Variants in STAG1 observed in about 807,000 individuals in gnomAD.
STAG1 encodes the protein STAG1 cohesin complex component.
STAG1 carries 26 observed loss-of-function variants against 170.9 expected under a neutral mutation model. The observed-to-expected ratio is 0.15, with a 90% confidence interval of 0.11 to 0.21. The LOEUF (loss-of-function observed/expected upper bound fraction) is 0.21. STAG1 is among the 10% of genes least tolerant of loss of function. The pLI, the probability that STAG1 is intolerant of heterozygous loss-of-function variation, is 1.00. For missense variants in STAG1, 964 were observed against 1,509.5 expected, an observed-to-expected ratio of 0.64 and a Z score of 5.99; for synonymous variants, 514 against 497.7, an observed-to-expected ratio of 1.03 and a Z score of -0.44.
At chr3:136,655,167 T>C (rs542256836) in intron 1 of STAG1, among the ~76,000 whole-genome samples, 1 of 152,252 alleles carries the variant, frequency 6.6e-6, no homozygotes, top group African/African-American at 2.4e-5. Flanking sequence ...ACTTTGTGCA[T>C]CAAGAAACAA....
chr3:136,411,467 G>C (rs1021397316), intron 21 of STAG1, among the ~76,000 whole-genome samples: 3 of 152,100 alleles, frequency 2.0e-5, no homozygotes, highest in South Asian at 2.1e-4. Flanking sequence ...CTACAAAAGT[G>C]GGTATAAGAG....
At chr3:136,541,327 C>T (rs955340637) in intron 6 of STAG1, among the ~76,000 whole-genome samples, 10 of 151,834 alleles carry the variant, frequency 6.6e-5, no homozygotes, top group Non-Finnish European at 1.3e-4. Flanking sequence ...TAGCCTAATA[C>T]ATAATATAAA....
In STAG1 at chr3:136,518,673, G is replaced by A. The variant is rs1163104249; in HGVS notation, c.676+2540C>T. On this transcript the variant is annotated intron_variant, in intron 7 of 33. Coordinates refer to ENST00000383202, the MANE Select transcript of STAG1 (RefSeq NM_005862.3). ...AGACACATGGGAATTACAGTAATACGTTAAAGTAAATTGAGAGAACAACTG... is the reference window on the plus strand; with the variant it reads ...AGACACATGGGAATTACAGTAATACATTAAAGTAAATTGAGAGAACAACTG... 2.6e-5 allele frequency among the ~76,000 whole-genome samples: 4 copies of A among 152,008 alleles called. No homozygotes were observed. In the East Asian group the frequency reaches 5.8e-4, roughly 22 times the overall value.
intron 23 of STAG1, among the ~76,000 whole-genome samples, chr3:136,370,816 A>T (rs1252884890): frequency 6.6e-6 from 1 of 152,214 alleles, no homozygotes; most frequent in Admixed American, 6.5e-5. Flanking sequence ...TGCCGCAATA[A>T]ACATACGTGT....
intron 4 of STAG1, among the ~76,000 whole-genome samples, chr3:136,571,825 G>C (rs1662518405): frequency 6.6e-6 from 1 of 152,122 alleles, no homozygotes; most frequent in East Asian, 1.9e-4. Flanking sequence ...AGGCTACAGT[G>C]AACTATTACC....
At chr3:136,424,565 G>A (rs1576452689) in intron 16 of STAG1, among the ~76,000 whole-genome samples, 1 of 151,860 alleles carries the variant, frequency 6.6e-6, no homozygotes, top group Non-Finnish European at 1.5e-5. Flanking sequence ...ACTCCTGACC[G>A]CAAGTGATCC....
chr3:136,350,139 C>CA (rs542153408), intron 28 of STAG1, among the ~76,000 whole-genome samples: 1,611 of 141,866 alleles, frequency 0.011, 28 homozygotes, highest in African/African-American at 0.037. Context: ...AGACTCCATT[C>CA]AAAAAAAAAA....
At chr3:136,530,069 A>G (rs1463405406) in intron 6 of STAG1, among the ~76,000 whole-genome samples, 1 of 152,212 alleles carries the variant, frequency 6.6e-6, no homozygotes, top group African/African-American at 2.4e-5. Flanking sequence ...TAGAAATGAA[A>G]AGTGAGCAAG....
intron 9 of STAG1, among the ~76,000 whole-genome samples, chr3:136,491,747 C>T (rs571754938): frequency 2.0e-5 from 3 of 152,270 alleles, no homozygotes; most frequent in African/African-American, 4.8e-5. Context: ...AATCCCAGCA[C>T]GTTGGGAGCC....
chr3:136,595,668 CTCCATCTCAATAAATAAATAA>C (rs1457956906), intron 4 of STAG1, among the ~76,000 whole-genome samples: 2 of 141,454 alleles, frequency 1.4e-5, no homozygotes, highest in East Asian at 4.1e-4. Context: ...CAGAGCAAGA[CTCCATCTCAATAAATAAATAA>C]ATAAATAAAT....
intron 14 of STAG1, among the ~76,000 whole-genome samples, chr3:136,443,983 G>A (rs1576470913): frequency 6.6e-6 from 1 of 151,912 alleles, no homozygotes; most frequent in African/African-American, 2.4e-5. Flanking sequence ...TGGAGCCCAT[G>A]TTCCCACAGT....
chr3:136,373,045 AG>A (rs1937432822), intron 23 of STAG1, among the ~76,000 whole-genome samples: 1 of 152,198 alleles, frequency 6.6e-6, no homozygotes, highest in African/African-American at 2.4e-5. Flanking sequence ...TGGTCTATTC[AG>A]AGATTCAACT....
intron 1 of STAG1, among the ~76,000 whole-genome samples, chr3:136,694,366 A>G (rs539215262): frequency 2.0e-5 from 3 of 152,100 alleles, no homozygotes; most frequent in Non-Finnish European, 4.4e-5. Context: ...CTGTAATCTC[A>G]ACATTCTGGA....
Position 136,394,718 on chromosome 3 carries a change from G to A in STAG1, c.2277+4031C>T, listed in dbSNP as rs556947577. On this transcript the variant is annotated intron_variant, in intron 22 of 33. Transcript: ENST00000383202. Reference sequence around the variant, plus strand: ...AGGCAATCCCAGCAATTTGGGAGGCGAAGACAGGCAGATCACCTGAGGTTG... The same window carrying A: ...AGGCAATCCCAGCAATTTGGGAGGCAAAGACAGGCAGATCACCTGAGGTTG... Among the ~76,000 whole-genome samples, 28 of 151,966 alleles carry A rather than the reference G, an allele frequency of 1.8e-4. No individual in the cohort carries two copies. In the South Asian group the frequency reaches 4.8e-3, roughly 26 times the overall value.
At chr3:136,744,085 T>C (rs962122013) in intron 1 of STAG1, among the ~76,000 whole-genome samples, 3 of 152,232 alleles carry the variant, frequency 2.0e-5, no homozygotes, top group African/African-American at 7.2e-5. Flanking sequence ...CCCAGCACTT[T>C]GGGAGGCTGA....
intron 3 of STAG1, among the ~76,000 whole-genome samples, chr3:136,605,136 C>T (rs771565156): frequency 1.3e-5 from 2 of 152,144 alleles, no homozygotes; most frequent in African/African-American, 4.8e-5. Flanking sequence ...TACTGAAATG[C>T]TCAAGTATTT....
chr3:136,706,306 C>T (rs911663606), intron 1 of STAG1, among the ~76,000 whole-genome samples: 10 of 152,126 alleles, frequency 6.6e-5, no homozygotes, highest in African/African-American at 2.4e-4. Flanking sequence ...TATCTCTAGT[C>T]GCACATGACA....
chr3:136,718,725 G>A (rs1933019593), intron 1 of STAG1, among the ~76,000 whole-genome samples: 1 of 152,120 alleles, frequency 6.6e-6, no homozygotes, highest in Non-Finnish European at 1.5e-5. Flanking sequence ...CGGAGTTTGA[G>A]ACCAGCCTGG....
intron 7 of STAG1, chr3:136,518,536 G>T: frequency 1.7e-6 from 1 of 604,878 alleles, no homozygotes. Context: ...TTGTTGTCCA[G>T]CCTGGAATTA....
Sources: allele counts gnomAD v4.1 joint callset (sites outside exome capture counted in the v4.1 genomes callset), GRCh38; gene constraint gnomAD v4.1.1; transcripts MANE v1.5; gene names NCBI Gene and HGNC (gene_info 2026-07-23, HGNC 2026-07-21).